UAP1: variants seen among roughly 807,000 people sequenced by gnomAD.
UAP1 encodes UDP-N-acetylglucosamine pyrophosphorylase 1.
UAP1 carries 25 observed loss-of-function variants against 58.5 expected under a neutral mutation model. That is an observed-to-expected ratio of 0.43 (90% CI 0.31 to 0.60). The LOEUF (loss-of-function observed/expected upper bound fraction) is 0.60, where lower values mean the gene tolerates loss of function less well. Ranked by LOEUF, UAP1 falls within the 20% of genes least tolerant of loss-of-function variation. The probability of loss-of-function intolerance (pLI) is 0.11; values close to 1 mark genes in which losing one functional copy is unlikely to be tolerated. For missense variants in UAP1, 575 were observed against 630.0 expected, an observed-to-expected ratio of 0.91 and a Z score of 0.93; for synonymous variants, 208 against 213.0, an observed-to-expected ratio of 0.98 and a Z score of 0.21.
intron 9 of UAP1, chr1:162,593,360 A>G (rs1490231485): frequency 6.6e-6 from 1 of 152,418 alleles, no homozygotes; most frequent in Non-Finnish European, 1.5e-5. Flanking sequence ...GAAGTAACAC[A>G]TATCCTCTCC....
intron 7 of UAP1, among the ~76,000 whole-genome samples, chr1:162,589,865 A>T (rs1385199301): frequency 6.6e-6 from 1 of 152,082 alleles, no homozygotes; most frequent in Non-Finnish European, 1.5e-5. Flanking sequence ...CCAGCTACTC[A>T]GGAGGCTGAG....
At chr1:162,600,342 T>G (rs967561491), downstream of UAP1, among the ~76,000 whole-genome samples, 22 of 152,316 alleles carry the variant, frequency 1.4e-4, no homozygotes, top group African/African-American at 5.3e-4. Context: ...TTGTTATTGT[T>G]GTTGTTATTT....
chr1:162,588,694 GT>G lies in UAP1; in HGVS notation c.1033del (p.Tyr345MetfsTer23). 1 of 1,598,638 alleles carries G rather than the reference GT, an allele frequency of 6.3e-7. No individual in the cohort carries two copies. Among genetic ancestry groups the G allele is most frequent in the Non-Finnish European group, 8.5e-7 (1 of 1,174,160 alleles). On this transcript the variant is annotated frameshift_variant and splice_region_variant, in exon 7 of 11. Transcript: ENST00000271469. LOFTEE classifies it high-confidence loss of function. ...ATCTTTTCTCCTCCTGCTTCTTAGT[GT>G]TTATGAACCTCAGTTGCAGCACCAT... is the stretch of plus-strand genomic sequence containing the variant.
At chr1:162,576,551 A>G (rs966098775) in intron 2 of UAP1, among the ~76,000 whole-genome samples, 6 of 152,148 alleles carry the variant, frequency 3.9e-5, no homozygotes, top group Admixed American at 6.5e-5. Flanking sequence ...ATAAGCCCCT[A>G]TCTTGTTATT....
At position 162,589,199 on chromosome 1, in the gene UAP1, T is replaced by TA. The variant is rs1435889675; in HGVS notation, c.1169+366_1169+367insA. Among the ~76,000 whole-genome samples, 164 of 55,276 alleles carry TA rather than the reference T, an allele frequency of 3.0e-3. 1 individual carries two copies. Among genetic ancestry groups the TA allele is most frequent in the African/African-American group, 7.4e-3 (131 of 17,814 alleles). 36.3% of individuals were successfully genotyped at this position (55,276 alleles called of 152,430 possible). On this transcript the variant is annotated intron_variant, in intron 7 of 10. Transcript: ENST00000271469. ...TATTATATATAATATATATTATATATTATATTTAAATATATATAATATTTA... is the reference window on the plus strand; with the variant it reads ...TATTATATATAATATATATTATATATATATATTTAAATATATATAATATTTA...
intron 1 of UAP1, among the ~76,000 whole-genome samples, chr1:162,563,699 A>T (rs1653318767): frequency 2.0e-5 from 3 of 152,310 alleles, no homozygotes; most frequent in African/African-American, 7.2e-5. Context: ...TCATTTTCCC[A>T]AGTGTCTGAA....
At chr1:162,594,563 A>G (rs1655510055) in intron 9 of UAP1, among the ~76,000 whole-genome samples, 1 of 152,204 alleles carries the variant, frequency 6.6e-6, no homozygotes, top group African/African-American at 2.4e-5. Flanking sequence ...ACTGGGATGC[A>G]GAGCCCTTTA....
chr1:162,599,348 GA>G lies in UAP1; in HGVS notation c.1559del (p.Asn520MetfsTer14). 3 of 1,610,086 alleles carry G rather than the reference GA, an allele frequency of 1.9e-6. No individual in the cohort carries two copies. Among genetic ancestry groups the G allele is most frequent in the Admixed American group, 1.7e-5 (1 of 59,808 alleles). ...ATGAGAATGGAGTTCATGAGCTGGT[GA>G]AAAATGGTATTTGAACCAGATACCA... On this transcript the variant is annotated frameshift_variant, in exon 11 of 11. Coordinates refer to ENST00000271469, the Ensembl canonical transcript of UAP1. LOFTEE classifies it high-confidence loss of function.
chr1:162,580,293 C>T (rs1654503949), intron 4 of UAP1, among the ~76,000 whole-genome samples: 1 of 152,174 alleles, frequency 6.6e-6, no homozygotes, highest in African/African-American at 2.4e-5. Flanking sequence ...AGCATTAATT[C>T]TTAAATAGCA....
At chr1:162,588,652 A>G (rs1655063172) in intron 6 of UAP1, 41 bp from the exon 7 acceptor site, 1 of 1,576,792 alleles carries the variant, frequency 6.3e-7, no homozygotes, top group African/African-American at 1.4e-5. Flanking sequence ...GGCATTTTAA[A>G]TCTGGAACGT....
At chr1:162,592,877 G>A (rs1302329982) in intron 9 of UAP1, 95 bp downstream of exon 9, 6 of 1,165,858 alleles carry the variant, frequency 5.1e-6, no homozygotes, top group South Asian at 1.4e-5. Context: ...CCTTTTGGGG[G>A]TCTGGAGGGA....
At chr1:162,600,078 G>A (rs978858948), downstream of UAP1, among the ~76,000 whole-genome samples, 2 of 152,166 alleles carry the variant, frequency 1.3e-5, no homozygotes, top group Non-Finnish European at 2.9e-5. Flanking sequence ...GATATTTTTG[G>A]TTGTGACAAG....
At chr1:162,579,002 T>G (rs1446354517) in intron 3 of UAP1, among the ~76,000 whole-genome samples, 1 of 152,152 alleles carries the variant, frequency 6.6e-6, no homozygotes, top group Non-Finnish European at 1.5e-5. Context: ...AAATGGAGGG[T>G]TAGCAGAGCC....
chr1:162,592,568 A>G (rs1401414647), intron 8 of UAP1, among the ~76,000 whole-genome samples, 164 bp from the exon 9 acceptor site: 2 of 152,024 alleles, frequency 1.3e-5, no homozygotes, highest in Non-Finnish European at 2.9e-5. Flanking sequence ...ATCTTTGGCC[A>G]TTGAGTTTTA....
intron 9 of UAP1, chr1:162,592,990 A>G (rs939254769): frequency 2.2e-5 from 12 of 556,780 alleles, no homozygotes; most frequent in African/African-American, 1.9e-4. Context: ...AATGGAGAGC[A>G]TGCTTTACTA....
Position 162,581,439 on chromosome 1 carries a change from G to C in UAP1, c.814G>C (p.Gly272Arg), listed in dbSNP as rs1227375694. 1.9e-6 allele frequency: 3 copies of C among 1,613,986 alleles called. No individual in the cohort carries two copies. The Admixed American group carries it at 5.0e-5, about 27-fold the overall frequency. The change falls in exon 5 of 11, where the codon GGA becomes CGA. Residue 272 changes from glycine (G) to arginine (R), a missense_variant. Transcript: ENST00000271469. ...GTTCATTGGATTTTGCATTCAGAAA[G>C]GAGCAGACTGTGGAGCAAAGGTAAT...
chr1:162,581,881 C>T (rs1251790332), intron 5 of UAP1, among the ~76,000 whole-genome samples: 3 of 152,086 alleles, frequency 2.0e-5, no homozygotes, highest in Admixed American at 1.3e-4. Flanking sequence ...GATGTTCTTT[C>T]GAATAAGATA....
Position 162,598,650 on chromosome 1 carries a change from T to C in UAP1, c.1477-621T>C, listed in dbSNP as rs184784204. Among the ~76,000 whole-genome samples the C allele has an allele frequency of 3.1e-3, 478 of 152,322 alleles. 1 individual carries two copies. The highest frequency in any genetic ancestry group is 0.011 in the African/African-American group (447 of 41,568). On this transcript the variant is annotated intron_variant, in intron 10 of 10. Coordinates refer to ENST00000271469, the Ensembl canonical transcript of UAP1. ...TTAGAGGTCTCTACTCTTTTACTTA[T>C]GTAATATTTTTCCTGGAGATCTTTG... is the stretch of plus-strand genomic sequence containing the variant.
At chr1:162,579,001 G>A (rs959817952) in intron 3 of UAP1, among the ~76,000 whole-genome samples, 13 of 152,122 alleles carry the variant, frequency 8.5e-5, no homozygotes, top group Admixed American at 2.0e-4. Flanking sequence ...TAAATGGAGG[G>A]TTAGCAGAGC....
Sources: gnomAD v4.1 joint callset for allele counts (sites outside exome capture counted in the v4.1 genomes callset) on GRCh38, gnomAD v4.1.1 for gene constraint, MANE v1.5 for transcripts, NCBI Gene and HGNC (gene_info 2026-07-23, HGNC 2026-07-21) for gene names.